CHSY1: variants seen among roughly 807,000 people sequenced by gnomAD.
The protein encoded by CHSY1 is N-acetylgalactosaminyl-proteoglycan 3-beta-glucuronosyltransferase 1.
In CHSY1, 13 loss-of-function variants were observed where a neutral mutation model predicts 59.8. The observed-to-expected ratio is 0.22, with a 90% CI of 0.14 to 0.35. The LOEUF (loss-of-function observed/expected upper bound fraction) is 0.35, where lower values mean the gene tolerates loss of function less well. Among genes scored for constraint, CHSY1 ranks in the 10% least tolerant of loss-of-function variants. CHSY1 has a pLI of 1.00. For missense variants in CHSY1, 947 were observed against 1,030.6 expected (o/e 0.92, Z 1.11); for synonymous variants, 459 against 401.2 (o/e 1.14, Z -1.72).
intron 2 of CHSY1, among the ~76,000 whole-genome samples, chr15:101,179,255 A>T (rs2038242297): frequency 1.3e-5 from 2 of 152,206 alleles, no homozygotes; most frequent in Non-Finnish European, 2.9e-5. Context: ...AAAACATATA[A>T]AATTGAGATC....
intron 2 of CHSY1, among the ~76,000 whole-genome samples, chr15:101,190,402 C>G (rs1268263498): frequency 6.6e-6 from 1 of 152,148 alleles, no homozygotes; most frequent in Non-Finnish European, 1.5e-5. Flanking sequence ...CTTTTCAACC[C>G]TTGGGGCTGG....
intron 2 of CHSY1, among the ~76,000 whole-genome samples, chr15:101,195,458 G>A (rs534959510): frequency 6.6e-6 from 1 of 152,330 alleles, no homozygotes; most frequent in Non-Finnish European, 1.5e-5. Flanking sequence ...ATGTGAGAAA[G>A]TTTAAAGGCT....
At chr15:101,199,230 G>A (rs972200313) in intron 2 of CHSY1, among the ~76,000 whole-genome samples, 27 of 152,176 alleles carry the variant, frequency 1.8e-4, no homozygotes, top group African/African-American at 6.0e-4. Flanking sequence ...GCGGCCGGGC[G>A]CAGTGGCTCA....
intron 1 of CHSY1, among the ~76,000 whole-genome samples, chr15:101,239,928 T>G (rs1007539916): frequency 3.3e-5 from 5 of 152,172 alleles, no homozygotes; most frequent in Non-Finnish European, 7.3e-5. Flanking sequence ...GCCCCAGCAG[T>G]ACAACCAGCA....
intron 1 of CHSY1, among the ~76,000 whole-genome samples, chr15:101,239,452 C>T (rs1020511784): frequency 3.3e-5 from 5 of 152,334 alleles, no homozygotes; most frequent in African/African-American, 1.2e-4. Context: ...GCCATGGGGG[C>T]GAGAACTCCA....
At chr15:101,188,815 T>C (rs1461159258) in intron 2 of CHSY1, among the ~76,000 whole-genome samples, 1 of 152,220 alleles carries the variant, frequency 6.6e-6, no homozygotes, top group East Asian at 1.9e-4. Flanking sequence ...ACATTCCATG[T>C]CTACATCATC....
rs1006873660 is a variant in CHSY1 at position 101,236,087 on chromosome 15, T to A, written c.321-510A>T. Among the ~76,000 whole-genome samples, 6 of 152,206 alleles carry A rather than the reference T, an allele frequency of 3.9e-5. No individual in the cohort carries two copies. In the Middle Eastern group the frequency reaches 0.01, roughly 259 times the overall value. On this transcript the variant is annotated intron_variant, in intron 1 of 2. Transcript: ENST00000254190. ...TTACCAGAATAATGAGACTAATGTA[T>A]ATATTATTATGAACTAAGAGAAGTA...
Position 101,251,642 on chromosome 15 carries a change from T to C in CHSY1, c.-186A>G, listed in dbSNP as rs2039116079. The C allele has an allele frequency of 6.9e-6, 1 of 145,382 alleles. No individual in the cohort carries two copies. The allele number at this position is 145,382 out of a possible 1,614,324, so 9.0% of individuals were successfully genotyped here. On this transcript the variant is annotated 5_prime_UTR_variant, in exon 1 of 3. Coordinates refer to ENST00000254190, the MANE Select transcript of CHSY1 (RefSeq NM_014918.5). Reference sequence around the variant, plus strand: ...CGCCCGCAGGCCCCGCGCCGGCGCTTTGTTCCGCACGCCCGCCCCCGCCGC... The same window carrying C: ...CGCCCGCAGGCCCCGCGCCGGCGCTCTGTTCCGCACGCCCGCCCCCGCCGC...
chr15:101,203,158 T>G (rs1044467609), intron 2 of CHSY1, among the ~76,000 whole-genome samples: 1 of 152,200 alleles, frequency 6.6e-6, no homozygotes, highest in Non-Finnish European at 1.5e-5. Flanking sequence ...ATGCACTGGG[T>G]TGCAGAAACC....
intron 2 of CHSY1, among the ~76,000 whole-genome samples, chr15:101,192,757 G>A (rs1044059387): frequency 7.2e-5 from 11 of 152,020 alleles, no homozygotes; most frequent in African/African-American, 2.7e-4. Flanking sequence ...TTTATCCAAA[G>A]GTTAAGATGT....
chr15:101,199,380 G>C (rs972445545), intron 2 of CHSY1, among the ~76,000 whole-genome samples: 1 of 152,168 alleles, frequency 6.6e-6, no homozygotes, highest in Non-Finnish European at 1.5e-5. Flanking sequence ...GCACGCGCCT[G>C]TAGTTCCAGC....
intron 2 of CHSY1, among the ~76,000 whole-genome samples, chr15:101,195,569 C>A (rs1596435642): frequency 6.6e-6 from 1 of 152,214 alleles, no homozygotes; most frequent in Admixed American, 6.5e-5. Context: ...TGCCTCTAAT[C>A]CCAGCACCTT....
intron 1 of CHSY1, among the ~76,000 whole-genome samples, chr15:101,245,007 G>A (rs560163007): frequency 1.9e-4 from 29 of 152,260 alleles, no homozygotes; most frequent in African/African-American, 6.5e-4. Flanking sequence ...CTACCCAAGC[G>A]TCCCTCAACA....
chr15:101,231,242 C>A (rs2038889838), intron 2 of CHSY1, among the ~76,000 whole-genome samples: 1 of 152,180 alleles, frequency 6.6e-6, no homozygotes, highest in African/African-American at 2.4e-5. Flanking sequence ...CTGGAAATAG[C>A]CCGAACGTCC....
chr15:101,200,414 T>C (rs1190151618), intron 2 of CHSY1, among the ~76,000 whole-genome samples: 1 of 152,226 alleles, frequency 6.6e-6, no homozygotes, highest in African/African-American at 2.4e-5. Context: ...GCAAGTCTCC[T>C]GACTAATTTG....
intron 1 of CHSY1, among the ~76,000 whole-genome samples, chr15:101,249,511 T>C (rs1049894433): frequency 4.0e-3 from 176 of 44,550 alleles, no homozygotes; most frequent in Non-Finnish European, 5.1e-3. Context: ...ATAGATAGAA[T>C]TTTTTTTTTT....
At chr15:101,245,110 A>C (rs1451796523) in intron 1 of CHSY1, among the ~76,000 whole-genome samples, 1 of 152,158 alleles carries the variant, frequency 6.6e-6, no homozygotes, top group Non-Finnish European at 1.5e-5. Flanking sequence ...TGATCTTCCA[A>C]AACACACATC....
At chr15:101,186,540 A>G (rs2038367884) in intron 2 of CHSY1, 1 of 152,234 alleles carries the variant, frequency 6.6e-6, no homozygotes, top group Non-Finnish European at 1.5e-5. Context: ...AAGGTGGCTC[A>G]CACCTGTAAC....
At chr15:101,228,269 G>A (rs1194597683) in intron 2 of CHSY1, among the ~76,000 whole-genome samples, 1 of 151,892 alleles carries the variant, frequency 6.6e-6, no homozygotes, top group Non-Finnish European at 1.5e-5. Flanking sequence ...AGCATGACGG[G>A]CATTCCAAAG....
Sources: gnomAD v4.1 joint callset for allele counts (sites outside exome capture counted in the v4.1 genomes callset) on GRCh38, gnomAD v4.1.1 for gene constraint, MANE v1.5 for transcripts, NCBI Gene and HGNC (gene_info 2026-07-23, HGNC 2026-07-21) for gene names.